PLXNC1: variants seen among roughly 807,000 people sequenced by gnomAD.
PLXNC1 encodes plexin C1, also known as plexin-C1.
A neutral mutation model predicts 178.2 loss-of-function variants in PLXNC1; 75 were observed. That is an observed-to-expected ratio of 0.42 (90% CI 0.35 to 0.51). PLXNC1 has a LOEUF of 0.51. Among genes scored for constraint, PLXNC1 ranks in the 20% least tolerant of loss-of-function variants. The pLI is 0.02. For synonymous variants in PLXNC1, 790 were observed against 779.9 expected, an observed-to-expected ratio of 1.01 and a Z score of -0.22; for missense variants, 1,503 against 1,984.4, an observed-to-expected ratio of 0.76 and a Z score of 4.61.
rs543203995 is a variant in PLXNC1, at chr12:94,265,288, G to A, written c.3597+63G>A. The A allele has an allele frequency of 7.5e-6, 11 of 1,467,844 alleles. No individual in the cohort carries two copies. The East Asian group carries it at 2.1e-4, about 28-fold the overall frequency. The allele number at this position is 1,467,844 out of a possible 1,614,324, so 90.9% of individuals were successfully genotyped here. A position where few individuals can be genotyped will look rare whatever the true frequency, so the allele number is the denominator to read the frequency against. On this transcript the variant is annotated intron_variant, in intron 21 of 30. Coordinates refer to ENST00000258526, the MANE Select transcript of PLXNC1 (RefSeq NM_005761.3). ...TAAATCTGGCGGGGAATTAGAGGGT[G>A]AGGTGGGTCATTTACAATGAAACGG...
At chr12:94,248,139 C>T in intron 13 of PLXNC1, 33 bp downstream of exon 13, 1 of 1,604,808 alleles carries the variant, frequency 6.2e-7, no homozygotes, top group Non-Finnish European at 8.5e-7. Context: ...TGGGATGTCA[C>T]CCCGACCCCT....
At chr12:94,240,064 G>A (rs1964346053) in intron 10 of PLXNC1, among the ~76,000 whole-genome samples, 1 of 152,160 alleles carries the variant, frequency 6.6e-6, no homozygotes, top group South Asian at 2.1e-4. Flanking sequence ...GGGGGGGCAT[G>A]ATAAGAACCA....
chr12:94,253,282 A>T (rs1298956084), intron 15 of PLXNC1, among the ~76,000 whole-genome samples: 2 of 150,420 alleles, frequency 1.3e-5, no homozygotes, highest in African/African-American at 4.9e-5. Context: ...GACTTTCTGA[A>T]ATTTGACAGC....
At chr12:94,155,081 G>A (rs1187925190) in intron 1 of PLXNC1, among the ~76,000 whole-genome samples, 1 of 152,148 alleles carries the variant, frequency 6.6e-6, no homozygotes, top group Non-Finnish European at 1.5e-5. Flanking sequence ...GTTACATGGT[G>A]TCCTTTACTC....
At chr12:94,219,088 A>C (rs1963721427) in intron 5 of PLXNC1, among the ~76,000 whole-genome samples, 1 of 152,250 alleles carries the variant, frequency 6.6e-6, no homozygotes, top group Admixed American at 6.5e-5. Flanking sequence ...ACCCCTTTGG[A>C]TAAAATGAAT....
intron 3 of PLXNC1, 121 bp from the exon 4 acceptor site, chr12:94,186,252 A>G: frequency 3.0e-6 from 2 of 666,252 alleles, no homozygotes; most frequent in South Asian, 3.3e-5. Flanking sequence ...CAGTGCCAGT[A>G]TGGAGGTGTT....
intron 1 of PLXNC1, among the ~76,000 whole-genome samples, chr12:94,150,320 C>T (rs991287118): frequency 6.6e-6 from 1 of 152,202 alleles, no homozygotes; most frequent in Non-Finnish European, 1.5e-5. Context: ...GCCATCCTTC[C>T]CTGTCCAAAC....
At position 94,306,627 on chromosome 12, in the gene PLXNC1, T is replaced by C. The variant is rs1057095717; in HGVS notation, c.*1342T>C. The C allele has an allele frequency of 4.6e-5, 7 of 152,194 alleles. No homozygotes were observed. Among genetic ancestry groups the C allele is most frequent in the Non-Finnish European group, 1.0e-4 (7 of 68,022 alleles). 9.4% of individuals were successfully genotyped at this position (152,194 alleles called of 1,614,324 possible). A position where few individuals can be genotyped will look rare whatever the true frequency, so the allele number is the denominator to read the frequency against. ...CCCTTGGTGCTCCAAATCCCCCATC[T>C]AGGAAAGAAAATTTTTTCAAGTCAA... On this transcript the variant is annotated 3_prime_UTR_variant, in exon 31 of 31. Transcript: ENST00000258526.
chr12:94,210,045 G>C (rs1440125751), intron 5 of PLXNC1, among the ~76,000 whole-genome samples: 1 of 152,184 alleles, frequency 6.6e-6, no homozygotes, highest in Non-Finnish European at 1.5e-5. Flanking sequence ...AAAGAAAAAA[G>C]AGGTTCAGAT....
intron 21 of PLXNC1, 84 bp downstream of exon 21, chr12:94,265,309 A>G: frequency 7.8e-7 from 1 of 1,277,064 alleles, no homozygotes; most frequent in Non-Finnish European, 1.1e-6. Context: ...TTTACAATGA[A>G]ACGGTATCAT....
At chr12:94,231,467 T>C (rs1964100557) in intron 9 of PLXNC1, among the ~76,000 whole-genome samples, 1 of 152,194 alleles carries the variant, frequency 6.6e-6, no homozygotes, top group Non-Finnish European at 1.5e-5. Context: ...GGCAATGGAA[T>C]GCCATTCAAG....
intron 9 of PLXNC1, among the ~76,000 whole-genome samples, chr12:94,234,280 G>C (rs1010475122): frequency 2.0e-5 from 3 of 152,124 alleles, no homozygotes; most frequent in African/African-American, 7.2e-5. Context: ...GTTGACGTCA[G>C]ACTTCACAAA....
At chr12:94,150,334 G>A (rs1285837784) in intron 1 of PLXNC1, among the ~76,000 whole-genome samples, 4 of 152,230 alleles carry the variant, frequency 2.6e-5, no homozygotes, top group Non-Finnish European at 4.4e-5. Flanking sequence ...TCCAAACGGG[G>A]ACGCTTGTTT....
At chr12:94,265,763 C>T (rs931740547) in intron 21 of PLXNC1, among the ~76,000 whole-genome samples, 13 of 152,164 alleles carry the variant, frequency 8.5e-5, no homozygotes, top group East Asian at 5.8e-4. Context: ...TTTAGAGGAA[C>T]GCTGTAAATC....
In PLXNC1 at chr12:94,204,634, A is replaced by G. The variant is rs1005647425; in HGVS notation, c.1440-4956A>G. On this transcript the variant is annotated intron_variant, in intron 4 of 30. Coordinates refer to ENST00000258526, the MANE Select transcript of PLXNC1 (RefSeq NM_005761.3). ...TGTCACAGACTTCCTATTCTCGTCCATTCAGTAGACTTTGGTTTCCTCATC... is the reference window on the plus strand; with the variant it reads ...TGTCACAGACTTCCTATTCTCGTCCGTTCAGTAGACTTTGGTTTCCTCATC... Among the ~76,000 whole-genome samples the G allele has an allele frequency of 5.3e-5, 8 of 152,322 alleles. No individual in the cohort carries two copies. The South Asian group carries it at 8.3e-4, about 16-fold the overall frequency.
At chr12:94,153,631 T>A (rs79966587) in intron 1 of PLXNC1, among the ~76,000 whole-genome samples, 1,793 of 152,248 alleles carry the variant, frequency 0.012, 39 homozygotes, top group African/African-American at 0.041. Flanking sequence ...CACTCGTGGT[T>A]TAAACATGGC....
chr12:94,169,911 T>C (rs1158786090), intron 2 of PLXNC1, among the ~76,000 whole-genome samples: 1 of 152,150 alleles, frequency 6.6e-6, no homozygotes, highest in Non-Finnish European at 1.5e-5. Flanking sequence ...TTTTATTCAC[T>C]TAGGAGAGGG....
chr12:94,203,041 C>T (rs917695785), intron 4 of PLXNC1, among the ~76,000 whole-genome samples: 7 of 151,976 alleles, frequency 4.6e-5, no homozygotes, highest in African/African-American at 7.3e-5. Flanking sequence ...AAGTGGGAAG[C>T]GGGAGACCTC....
Position 94,189,491 on chromosome 12 carries a change from C to A in PLXNC1, c.1439+3018C>A, listed in dbSNP as rs149556850. Among the ~76,000 whole-genome samples the A allele has an allele frequency of 5.3e-5, 8 of 152,142 alleles. No homozygotes were observed. The East Asian group carries it at 1.5e-3, about 29-fold the overall frequency. ...CCCAAGAGTTTGAGACCAGCCTGGG[C>A]AACATGGCAAAGACCCCATCTCTAC... On this transcript the variant is annotated intron_variant, in intron 4 of 30. Transcript: ENST00000258526.
Sources: allele counts gnomAD v4.1 joint callset (sites outside exome capture counted in the v4.1 genomes callset), GRCh38; gene constraint gnomAD v4.1.1; transcripts MANE v1.5; gene names NCBI Gene and HGNC (gene_info 2026-07-23, HGNC 2026-07-21).